Variants in CRB2 observed in about 807,000 individuals in gnomAD.
The protein encoded by CRB2 is protein crumbs homolog 2.
CRB2 carries 85 observed loss-of-function variants against 110.9 expected under a neutral mutation model. The ratio of observed to expected loss-of-function variants is 0.77; its 90% CI spans 0.64 to 0.92. CRB2 has a LOEUF of 0.92. Among genes scored for constraint, CRB2 ranks in the 40% least tolerant of loss-of-function variants. The pLI is 0.00. For synonymous variants in CRB2, 907 were observed against 831.0 expected (o/e 1.09, Z -1.57); for missense variants, 1,843 against 1,851.3 (o/e 1.00, Z 0.08).
At chr9:123,378,823 T>TTG (rs2042153314), downstream of CRB2, 5 of 120,800 alleles carry the variant, frequency 4.1e-5, no homozygotes, top group African/African-American at 1.5e-4. Context: ...TTTTTTTTTT[T>TTG]TTTTTTTTTG....
At chr9:123,359,651 G>A (rs2041844655) in intron 1 of CRB2, among the ~76,000 whole-genome samples, 1 of 151,788 alleles carries the variant, frequency 6.6e-6, no homozygotes, top group Non-Finnish European at 1.5e-5. Flanking sequence ...GTCTCACTAT[G>A]TTTGCACAGG....
chr9:123,362,452 G>A (rs1157266868), intron 1 of CRB2, among the ~76,000 whole-genome samples: 2 of 152,230 alleles, frequency 1.3e-5, no homozygotes, highest in African/African-American at 4.8e-5. Context: ...GCTGTGTGAA[G>A]TGGACAGGGC....
chr9:123,373,446 G>A lies in CRB2; in HGVS notation c.2915G>A (p.Arg972His), dbSNP rs749257715. The change falls in exon 10 of 13, where the codon CGC becomes CAC. Residue 972 changes from arginine (R) to histidine (H), a missense_variant. Arg to His is a conservative substitution (Grantham distance 29, BLOSUM62 0). Coordinates refer to ENST00000373631, the MANE Select transcript of CRB2 (RefSeq NM_173689.7). The part of the protein sequence containing the change: ...AMERPAATTS[R>H]WLLWLDGAAT... ...GAGCGCCCGGCGGCCACCACCTCGC[G>A]CTGGCTGCTGTGGCTGGATGGTGCC... 8 of 1,451,396 alleles carry A rather than the reference G, an allele frequency of 5.5e-6. No individual in the cohort carries two copies. The highest frequency in any genetic ancestry group is 2.6e-5 in the Admixed American group (1 of 38,072). The allele number at this position is 1,451,396 out of a possible 1,614,324, so 89.9% of individuals were successfully genotyped here.
rs1407961486 is a variant in CRB2 at position 123,373,341 on chromosome 9, A to C, written c.2810A>C (p.His937Pro). 5.6e-6 allele frequency: 8 copies of C among 1,439,782 alleles called. No homozygotes were observed. The highest frequency in any genetic ancestry group is 7.2e-6 in the Non-Finnish European group (8 of 1,105,264). The allele number at this position is 1,439,782 out of a possible 1,614,324, so 89.2% of individuals were successfully genotyped here. A position where few individuals can be genotyped will look rare whatever the true frequency, so the allele number is the denominator to read the frequency against. Residue 937 changes from histidine to proline, a missense_variant, in exon 10 of 13, where the codon CAT becomes CCT. Transcript: ENST00000373631. Reference protein sequence around the residue: ...GSLAGGVRGGHGLPGAVLPIP... With the variant: ...GSLAGGVRGGPGLPGAVLPIP... ...CTGGCGGGGGGCGTGCGCGGAGGCC[A>C]TGGCCTGCCCGGCGCTGTGCTGCCC...
At position 123,370,213 on chromosome 9, in the gene CRB2, C is replaced by T; in HGVS notation, c.1160C>T (p.Thr387Ile). The T allele has an allele frequency of 6.2e-7, 1 of 1,613,236 alleles. No homozygotes were observed. The highest frequency in any genetic ancestry group is 1.3e-5 in the African/African-American group (1 of 75,070). The change falls in exon 7 of 13, where the codon ACC (threonine) becomes ATC (isoleucine). Residue 387 changes from threonine (T) to isoleucine (I), a missense_variant. Physicochemically the swap from Thr to Ile is moderately conservative, Grantham distance 89 (BLOSUM62 -1). Transcript: ENST00000373631. ...VAGYICRCPE[T>I]WGGRDCSVQL... ...GGCTATATCTGCAGGTGCCCAGAGA[C>T]CTGGGGTGGGCGCGACTGTTCTGTG... is the stretch of plus-strand genomic sequence containing the variant.
intron 4 of CRB2, among the ~76,000 whole-genome samples, 187 bp downstream of exon 4, chr9:123,366,553 C>T (rs939757198): frequency 5.9e-5 from 9 of 152,196 alleles, no homozygotes; most frequent in Admixed American, 6.5e-5. Context: ...CTGATCGTAG[C>T]GCCTGCTCCT....
At position 123,373,228 on chromosome 9, in the gene CRB2, C is replaced by G; in HGVS notation, c.2697C>G (p.Ala899=). 2.0e-6 allele frequency: 3 copies of G among 1,507,366 alleles called. No individual in the cohort carries two copies. Among genetic ancestry groups the G allele is most frequent in the Non-Finnish European group, 2.6e-6 (3 of 1,135,302 alleles). The allele number at this position is 1,507,366 out of a possible 1,614,324, so 93.4% of individuals were successfully genotyped here. ...GCTTGCTCGGCGGCCTGTCGCTGGC[C>G]TTTCGCACGCGCGACTCCGAGGCCT... ...SGRLLGGLSL[A]FRTRDSEAWL... The change falls in exon 10 of 13, where the codon GCC becomes GCG. Residue 899 remains alanine (A), a synonymous_variant. Transcript: ENST00000373631.
At position 123,375,453 on chromosome 9, in the gene CRB2, C is replaced by A; in HGVS notation, c.3633+110C>A. The A allele has an allele frequency of 4.6e-6, 6 of 1,311,438 alleles. No individual in the cohort carries two copies. The South Asian group carries it at 1.0e-4, about 22-fold the overall frequency. The allele number at this position is 1,311,438 out of a possible 1,614,324, so 81.2% of individuals were successfully genotyped here. On this transcript the variant is annotated intron_variant, in intron 12 of 12. Coordinates refer to ENST00000373631, the MANE Select transcript of CRB2 (RefSeq NM_173689.7). The stretch of plus-strand genomic sequence containing the variant: ...TGGGGCTGTTCCTGGGCCACTCTGT[C>A]ATGGGGTGGGGCAGTGAGAGGAGCC...
chr9:123,356,288 G>A lies in CRB2; in HGVS notation c.28G>A (p.Asp10Asn). 1 of 1,540,326 alleles carries A rather than the reference G, an allele frequency of 6.5e-7. No homozygotes were observed. The highest frequency in any genetic ancestry group is 8.7e-7 in the Non-Finnish European group (1 of 1,143,986). The part of the protein sequence containing the change: MALARPGTP[D>N]PQALASVLLL... Reference sequence around the variant, plus strand: ...GGCGCTGGCCAGGCCTGGGACCCCGGACCCCCAGGCCCTGGCCTCTGTCCT... The same window carrying A: ...GGCGCTGGCCAGGCCTGGGACCCCGAACCCCCAGGCCCTGGCCTCTGTCCT... Residue 10 changes from aspartate (D) to asparagine (N), a missense_variant, in exon 1 of 13, where the codon GAC becomes AAC. Asp to Asn is a conservative substitution (Grantham distance 23, BLOSUM62 1). Coordinates refer to ENST00000373631, the MANE Select transcript of CRB2 (RefSeq NM_173689.7).
intron 1 of CRB2, among the ~76,000 whole-genome samples, chr9:123,357,715 C>T (rs1270125382): frequency 2.6e-5 from 4 of 152,198 alleles, no homozygotes; most frequent in Non-Finnish European, 5.9e-5. Context: ...GTCCCCTGCC[C>T]TGTGATGCTC....
intron 1 of CRB2, 42 bp downstream of exon 1, chr9:123,356,396 T>C: frequency 6.8e-7 from 1 of 1,461,062 alleles, no homozygotes; most frequent in Non-Finnish European, 9.2e-7. Flanking sequence ...GGAGAGGGTC[T>C]GTCCCCCAAG....
rs537794968 is a variant in CRB2, at chr9:123,370,271, G to T, written c.1218G>T (p.Pro406=). The T allele has an allele frequency of 6.2e-7, 1 of 1,613,216 alleles. No individual in the cohort carries two copies. The highest frequency in any genetic ancestry group is 1.1e-5 in the South Asian group (1 of 91,082). ...QLTGCQGHTC[P]LAATCIPIFE... ...CTGGCTGCCAGGGCCACACCTGCCC[G>T]CTGGCTGCCACCTGCATCCCTATCT... Residue 406 remains proline, a synonymous_variant, in exon 7 of 13, where the codon CCG becomes CCT. Transcript: ENST00000373631.
chr9:123,363,270 C>T, intron 2 of CRB2, 82 bp downstream of exon 2: 1 of 1,431,632 alleles, frequency 7.0e-7, no homozygotes, highest in Non-Finnish European at 9.4e-7. Context: ...ATGGCTTCAG[C>T]TTTGCCTTTC....
At chr9:123,368,107 G>A (rs963635810) in intron 6 of CRB2, among the ~76,000 whole-genome samples, 3 of 152,068 alleles carry the variant, frequency 2.0e-5, no homozygotes, top group Admixed American at 6.5e-5. Flanking sequence ...TTGGGTACAC[G>A]CAGATGCACA....
At position 123,363,077 on chromosome 9, in the gene CRB2, C is replaced by T. The variant is rs780431601; in HGVS notation, c.307C>T (p.Pro103Ser). Residue 103 changes from proline to serine, a missense_variant, in exon 2 of 13, where the codon CCA becomes TCA. Physicochemically the swap from Pro to Ser is moderately conservative, Grantham distance 74. Coordinates refer to ENST00000373631, the MANE Select transcript of CRB2 (RefSeq NM_173689.7). ...RCYCVPGFQGPRCELDIDECA... is the reference protein window; with the variant it reads ...RCYCVPGFQGSRCELDIDECA... The stretch of plus-strand genomic sequence containing the variant: ...CTACTGCGTGCCGGGTTTCCAGGGC[C>T]CACGCTGCGAGCTGGACATCGATGA... 6 of 1,611,690 alleles carry T rather than the reference C, an allele frequency of 3.7e-6. No homozygotes were observed. In the East Asian group the frequency reaches 1.3e-4, roughly 36 times the overall value.
At position 123,366,681 on chromosome 9, in the gene CRB2, G is replaced by A. The variant is rs12552768; in HGVS notation, c.754+315G>A. On this transcript the variant is annotated intron_variant, in intron 4 of 12. Coordinates refer to ENST00000373631, the MANE Select transcript of CRB2 (RefSeq NM_173689.7). Reference sequence around the variant, plus strand: ...ATAGTAGTAAGACTAGGCCGGGCGCGGTGGCTCAAGCCTGTAATCCCAGCA... The same window carrying A: ...ATAGTAGTAAGACTAGGCCGGGCGCAGTGGCTCAAGCCTGTAATCCCAGCA... Among the ~76,000 whole-genome samples the A allele has an allele frequency of 0.3, 46,351 of 151,990 alleles. 7,892 individuals carry two copies. Among genetic ancestry groups the A allele is most frequent in the Non-Finnish European group, 0.38 (25,976 of 67,958 alleles).
chr9:123,376,569 C>A (rs2042106146), intron 12 of CRB2, among the ~76,000 whole-genome samples: 1 of 152,150 alleles, frequency 6.6e-6, no homozygotes. Flanking sequence ...CTGCTTAGCT[C>A]CTGCCGGGTG....
At position 123,372,154 on chromosome 9, in the gene CRB2, C is replaced by A. The variant is rs759578283; in HGVS notation, c.2437-23C>A. On this transcript the variant is annotated intron_variant, in intron 8 of 12. Coordinates refer to ENST00000373631, the MANE Select transcript of CRB2 (RefSeq NM_173689.7). ...GATGCTCACTGCAGTCCTGAGCCAA[C>A]CCCTGCCCTGCCTCTCCCACAGCCT... 5.6e-6 allele frequency: 9 copies of A among 1,613,384 alleles called. No homozygotes were observed. The South Asian group carries it at 9.9e-5, about 18-fold the overall frequency.
Position 123,377,179 on chromosome 9 carries a change from A to AGCCTCT in CRB2, c.*133_*138dup, listed in dbSNP as rs920598810. On this transcript the variant is annotated 3_prime_UTR_variant, in exon 13 of 13. Coordinates refer to ENST00000373631, the MANE Select transcript of CRB2 (RefSeq NM_173689.7). ...CTACGGAAGTGTCCCCTTGGCTGGC[A>AGCCTCT]GCCTCTGCCTCTGCCTCTGCCCCAT... is the stretch of plus-strand genomic sequence containing the variant. 2,831 of 979,114 alleles carry AGCCTCT rather than the reference A, an allele frequency of 2.9e-3. 18 individuals are homozygous for AGCCTCT. Among genetic ancestry groups the AGCCTCT allele is most frequent in the Non-Finnish European group, 3.6e-3 (2,440 of 678,690 alleles). 60.7% of individuals were successfully genotyped at this position (979,114 alleles called of 1,614,324 possible).
Sources: gnomAD v4.1 joint callset for allele counts (sites outside exome capture counted in the v4.1 genomes callset) on GRCh38, gnomAD v4.1.1 for gene constraint, MANE v1.5 for transcripts, NCBI Gene and HGNC (gene_info 2026-07-23, HGNC 2026-07-21) for gene names.